Variants in DLG2 observed in about 807,000 individuals in gnomAD.
The protein encoded by DLG2 is disks large homolog 2.
In DLG2, 45 loss-of-function variants were observed where a neutral mutation model predicts 132.5. The observed-to-expected ratio is 0.34, with a 90% CI of 0.27 to 0.44. The LOEUF is 0.44. Ranked by LOEUF, DLG2 falls within the 20% of genes least tolerant of loss-of-function variation. The pLI, the probability that DLG2 is intolerant of heterozygous loss-of-function variation, is 1.00. For missense variants in DLG2, 1,045 were observed against 1,196.9 expected (o/e 0.87, Z 1.87); for synonymous variants, 424 against 419.6 (o/e 1.01, Z -0.13).
At chr11:85,452,241 TG>T (rs368776948) in intron 3 of DLG2, 18 of 151,826 alleles carry the variant, frequency 1.2e-4, no homozygotes, top group Admixed American at 3.3e-4. Context: ...AACAGGTAGT[TG>T]TTTTTTTTTT....
intron 6 of DLG2, among the ~76,000 whole-genome samples, chr11:84,766,798 A>T (rs1355564689): frequency 1.3e-5 from 2 of 152,108 alleles, no homozygotes; most frequent in Non-Finnish European, 2.9e-5. Context: ...TATAGTCGTT[A>T]TAGTCTTGCT....
intron 6 of DLG2, among the ~76,000 whole-genome samples, chr11:84,572,999 A>G (rs1002070042): frequency 9.9e-5 from 15 of 152,144 alleles, no homozygotes; most frequent in Non-Finnish European, 1.3e-4. Flanking sequence ...CCTGCCAAAA[A>G]TCTAAGAAAT....
chr11:84,306,684 G>A (rs2098222670), intron 7 of DLG2, among the ~76,000 whole-genome samples: 1 of 152,122 alleles, frequency 6.6e-6, no homozygotes, highest in Non-Finnish European at 1.5e-5. Flanking sequence ...GCAATTATTT[G>A]TGGGGCAAGA....
intron 5 of DLG2, among the ~76,000 whole-genome samples, chr11:85,139,323 G>A (rs1327997465): frequency 6.6e-6 from 1 of 152,062 alleles, no homozygotes; most frequent in Non-Finnish European, 1.5e-5. Context: ...TGAATGAGAT[G>A]CATCACATGG....
At chr11:84,393,519 A>C (rs866761682) in intron 7 of DLG2, among the ~76,000 whole-genome samples, 1 of 152,160 alleles carries the variant, frequency 6.6e-6, no homozygotes, top group Non-Finnish European at 1.5e-5. Flanking sequence ...ACTATATAGA[A>C]ACAGAATCAC....
chr11:83,880,142 C>A (rs573499076), intron 15 of DLG2, among the ~76,000 whole-genome samples: 189 of 152,162 alleles, frequency 1.2e-3, no homozygotes, highest in African/African-American at 4.3e-3. Flanking sequence ...ACAATGAATA[C>A]CCTGCCAAGG....
At chr11:84,010,082 A>C (rs928677090) in intron 11 of DLG2, among the ~76,000 whole-genome samples, 2 of 152,032 alleles carry the variant, frequency 1.3e-5, no homozygotes, top group African/African-American at 2.4e-5. Flanking sequence ...AGAAACAATA[A>C]AAATGAATTT....
chr11:84,675,103 G>T (rs2099709857), intron 6 of DLG2, among the ~76,000 whole-genome samples: 1 of 152,040 alleles, frequency 6.6e-6, no homozygotes, highest in Non-Finnish European at 1.5e-5. Context: ...AATAAACCTG[G>T]CAAGCCAGGT....
chr11:85,420,610 T>C (rs192868848), intron 3 of DLG2, among the ~76,000 whole-genome samples: 64 of 152,346 alleles, frequency 4.2e-4, no homozygotes, highest in African/African-American at 1.5e-3. Context: ...CTGCTGCCTT[T>C]CTTTCAGAGA....
At chr11:85,551,632 AGAT>A (rs2153220548) in intron 3 of DLG2, among the ~76,000 whole-genome samples, 1 of 152,190 alleles carries the variant, frequency 6.6e-6, no homozygotes, top group East Asian at 1.9e-4. Flanking sequence ...TTCATAAGAA[AGAT>A]GATGTTTAGC....
chr11:85,311,936 T>C (rs866657905), intron 3 of DLG2, among the ~76,000 whole-genome samples: 1 of 152,218 alleles, frequency 6.6e-6, no homozygotes, highest in East Asian at 1.9e-4. Context: ...AATATCTTTA[T>C]TGGTCTCTAG....
chr11:84,030,558 A>G (rs949135063), intron 11 of DLG2, among the ~76,000 whole-genome samples: 3 of 152,138 alleles, frequency 2.0e-5, no homozygotes, highest in Admixed American at 2.0e-4. Flanking sequence ...TGAATTAACA[A>G]TATTTTTATC....
chr11:85,191,176 A>G (rs948943810), intron 4 of DLG2, among the ~76,000 whole-genome samples: 49 of 150,588 alleles, frequency 3.3e-4, no homozygotes, highest in African/African-American at 1.2e-3. Flanking sequence ...ACACACACAC[A>G]CACACACACA....
At chr11:85,377,276 G>A (rs1347114169) in intron 3 of DLG2, among the ~76,000 whole-genome samples, 1 of 152,142 alleles carries the variant, frequency 6.6e-6, no homozygotes, top group African/African-American at 2.4e-5. Flanking sequence ...GCTTAGCAAG[G>A]CATCTAAGAA....
intron 7 of DLG2, among the ~76,000 whole-genome samples, chr11:84,421,870 G>T (rs958792724): frequency 6.6e-6 from 1 of 152,080 alleles, no homozygotes; most frequent in Non-Finnish European, 1.5e-5. Context: ...ATCCCTCACC[G>T]CTTCTGCCTG....
At chr11:84,735,742 G>C (rs146985272) in intron 6 of DLG2, among the ~76,000 whole-genome samples, 1 of 151,604 alleles carries the variant, frequency 6.6e-6, no homozygotes, top group Non-Finnish European at 1.5e-5. Context: ...GTGTCAATTT[G>C]AGATCTTTCC....
intron 5 of DLG2, among the ~76,000 whole-genome samples, chr11:85,143,977 T>C (rs942506245): frequency 2.6e-5 from 4 of 151,900 alleles, no homozygotes; most frequent in African/African-American, 7.2e-5. Flanking sequence ...TGATGTTTCT[T>C]TGTTGATTTT....
At position 83,577,586 on chromosome 11, in the gene DLG2, A is replaced by ATATATATC. The variant is rs1315103866; in HGVS notation, c.1941-35729_1941-35728insGATATATA. 3.0e-3 allele frequency among the ~76,000 whole-genome samples: 358 copies of ATATATATC among 118,856 alleles called. 1 individual carries two copies. Among genetic ancestry groups the ATATATATC allele is most frequent in the Non-Finnish European group, 4.8e-3 (292 of 60,562 alleles). 78.0% of individuals were successfully genotyped at this position (118,856 alleles called of 152,430 possible). On this transcript the variant is annotated intron_variant, in intron 19 of 27. Transcript: ENST00000376104. ...TATATATATATATATATATATATAT[A>ATATATATC]TCCTATTTATAATAGGATATATATT...
At chr11:83,851,627 CA>C (rs376147145) in intron 16 of DLG2, among the ~76,000 whole-genome samples, 2,369 of 113,254 alleles carry the variant, frequency 0.021, 66 homozygotes, top group African/African-American at 0.068. Context: ...AACTCGGTCT[CA>C]AAAAAAAAAA....
Sources: gnomAD v4.1 joint callset for allele counts (sites outside exome capture counted in the v4.1 genomes callset) on GRCh38, gnomAD v4.1.1 for gene constraint, MANE v1.5 for transcripts, NCBI Gene and HGNC (gene_info 2026-07-23, HGNC 2026-07-21) for gene names.